CTNNA2: variants seen among roughly 807,000 people sequenced by gnomAD.
CTNNA2 encodes catenin alpha 2.
CTNNA2 carries 42 observed loss-of-function variants against 101.0 expected under a neutral mutation model. That is an observed-to-expected ratio of 0.42 (90% CI 0.32 to 0.54). The LOEUF (loss-of-function observed/expected upper bound fraction) is 0.54. CTNNA2 is among the 20% of genes least tolerant of loss of function. The pLI, the probability that CTNNA2 is intolerant of heterozygous loss-of-function variation, is 0.14. For missense variants in CTNNA2, 871 were observed against 1,223.1 expected, an observed-to-expected ratio of 0.71 and a Z score of 4.29; for synonymous variants, 450 against 456.4, an observed-to-expected ratio of 0.99 and a Z score of 0.18.
chr2:79,282,653 A>G (rs7599841), intron 2 of CTNNA2, among the ~76,000 whole-genome samples: 34,567 of 141,678 alleles, frequency 0.24, 4,340 homozygotes, highest in Middle Eastern at 0.31. Flanking sequence ...AATCCAGTCT[A>G]TCATTGTTGG....
chr2:79,910,787 C>G (rs1326343160), intron 7 of CTNNA2, among the ~76,000 whole-genome samples: 1 of 152,160 alleles, frequency 6.6e-6, no homozygotes, highest in Non-Finnish European at 1.5e-5. Context: ...TTCAGTGTCT[C>G]TCCCTCCAGC....
intron 1 of CTNNA2, among the ~76,000 whole-genome samples, chr2:79,589,371 GTTT>G (rs921826877): frequency 6.6e-6 from 1 of 152,074 alleles, no homozygotes; most frequent in African/African-American, 2.4e-5. Flanking sequence ...TAATTGGTCA[GTTT>G]TCTTCATTAC....
chr2:79,324,870 G>A (rs535667372), intron 3 of CTNNA2, among the ~76,000 whole-genome samples: 4 of 152,248 alleles, frequency 2.6e-5, no homozygotes, highest in Non-Finnish European at 4.4e-5. Context: ...AAGCAAAACC[G>A]TATTTAACAC....
At chr2:80,458,808 A>G (rs75973657) in intron 9 of CTNNA2, among the ~76,000 whole-genome samples, 2,282 of 152,250 alleles carry the variant, frequency 0.015, 57 homozygotes, top group African/African-American at 0.051. Flanking sequence ...GACTTAAACA[A>G]TTATAAATGA....
intron 7 of CTNNA2, among the ~76,000 whole-genome samples, chr2:80,075,174 A>T (rs2148788122): frequency 6.6e-6 from 1 of 152,200 alleles, no homozygotes; most frequent in East Asian, 1.9e-4. Flanking sequence ...TTGGAACTTG[A>T]AATATTTCAG....
chr2:80,158,430 C>A (rs1282862381), intron 7 of CTNNA2, among the ~76,000 whole-genome samples: 1 of 152,224 alleles, frequency 6.6e-6, no homozygotes, highest in Non-Finnish European at 1.5e-5. Flanking sequence ...TCTTGTAAAA[C>A]TGTAGTACAA....
intron 4 of CTNNA2, among the ~76,000 whole-genome samples, chr2:79,461,798 A>T (rs1463730040): frequency 6.6e-6 from 1 of 152,166 alleles, no homozygotes; most frequent in East Asian, 1.9e-4. Flanking sequence ...CAAATCAGCA[A>T]TATAAAGGTA....
At chr2:79,563,716 T>C (rs1674935553) in intron 1 of CTNNA2, among the ~76,000 whole-genome samples, 1 of 152,224 alleles carries the variant, frequency 6.6e-6, no homozygotes. Context: ...TGTTTTGAAT[T>C]GCATACTGTT....
chr2:80,051,545 T>C (rs1301710831), intron 7 of CTNNA2, among the ~76,000 whole-genome samples: 9 of 152,172 alleles, frequency 5.9e-5, no homozygotes, highest in Admixed American at 3.9e-4. Context: ...CATTTGTCTA[T>C]AAATTTACAT....
At chr2:80,531,020 A>G (rs1390097581) in intron 9 of CTNNA2, among the ~76,000 whole-genome samples, 1 of 152,192 alleles carries the variant, frequency 6.6e-6, no homozygotes, top group Non-Finnish European at 1.5e-5. Flanking sequence ...TTGAGCTTGG[A>G]AAGAGTCCAT....
At chr2:79,202,966 C>T (rs1305061307) in intron 2 of CTNNA2, among the ~76,000 whole-genome samples, 1 of 152,208 alleles carries the variant, frequency 6.6e-6, no homozygotes, top group Non-Finnish European at 1.5e-5. Context: ...ACCAGTAGAT[C>T]CGAATGGATT....
intron 4 of CTNNA2, among the ~76,000 whole-genome samples, chr2:79,859,733 T>C (rs956345083): frequency 4.6e-5 from 7 of 152,180 alleles, no homozygotes; most frequent in Non-Finnish European, 8.8e-5. Context: ...GGAGAGTCTT[T>C]ACCTGTTTCA....
intron 16 of CTNNA2, 70 bp from the exon 17 acceptor site, chr2:80,608,114 C>T (rs1698176277): frequency 6.8e-6 from 10 of 1,472,036 alleles, no homozygotes; most frequent in Non-Finnish European, 9.2e-6. Flanking sequence ...CTTCCTGCAG[C>T]TTTTCTATAA....
intron 3 of CTNNA2, among the ~76,000 whole-genome samples, chr2:79,744,854 A>G (rs1021038549): frequency 2.0e-5 from 3 of 152,196 alleles, no homozygotes; most frequent in African/African-American, 7.2e-5. Context: ...CTTTGTGTCA[A>G]ACTCAGGCTT....
intron 3 of CTNNA2, among the ~76,000 whole-genome samples, chr2:79,364,847 T>C (rs1370828416): frequency 1.3e-5 from 2 of 152,214 alleles, no homozygotes; most frequent in African/African-American, 4.8e-5. Context: ...GCAGAAACTA[T>C]TTCTTAACTT....
chr2:79,236,682 A>G (rs1674562176), intron 2 of CTNNA2, among the ~76,000 whole-genome samples: 1 of 152,182 alleles, frequency 6.6e-6, no homozygotes, highest in African/African-American at 2.4e-5. Flanking sequence ...AATATTCTAA[A>G]TCTTCTGTTG....
At chr2:79,323,563 A>G (rs969588172) in intron 3 of CTNNA2, among the ~76,000 whole-genome samples, 1 of 151,926 alleles carries the variant, frequency 6.6e-6, no homozygotes, top group African/African-American at 2.4e-5. Context: ...CAAAACAAAC[A>G]AAAAAAACAG....
chr2:79,230,904 G>A (rs967433298), intron 2 of CTNNA2, among the ~76,000 whole-genome samples: 2 of 152,208 alleles, frequency 1.3e-5, no homozygotes, highest in African/African-American at 4.8e-5. Context: ...TTTGCATGGG[G>A]CCTATAGCCC....
intron 1 of CTNNA2, among the ~76,000 whole-genome samples, chr2:79,518,162 A>G (rs1450165562): frequency 6.6e-6 from 1 of 152,246 alleles, no homozygotes; most frequent in Admixed American, 6.5e-5. Context: ...CATGGATAAA[A>G]AAGTAATATA....
Sources: allele counts gnomAD v4.1 joint callset (sites outside exome capture counted in the v4.1 genomes callset), GRCh38; gene constraint gnomAD v4.1.1; transcripts MANE v1.5; gene names NCBI Gene and HGNC (gene_info 2026-07-23, HGNC 2026-07-21).